Variants in RPS6KA2 observed in about 807,000 individuals in gnomAD.
The protein encoded by RPS6KA2 is ribosomal protein S6 kinase alpha-2.
Under a neutral mutation model 91.8 loss-of-function variants are expected in RPS6KA2, and 42 were observed. That is an observed-to-expected ratio of 0.46 (90% CI 0.36 to 0.59). The LOEUF (loss-of-function observed/expected upper bound fraction) is 0.59. Ranked by LOEUF, RPS6KA2 falls within the 20% of genes least tolerant of loss-of-function variation. RPS6KA2 has a pLI of 0.00. For synonymous variants in RPS6KA2, 414 were observed against 393.6 expected (o/e 1.05, Z -0.61); for missense variants, 798 against 978.5 (o/e 0.82, Z 2.46).
rs1434048065 is a variant in RPS6KA2 at position 166,494,222 on chromosome 6, G to A, written c.748-3481C>T. Among the ~76,000 whole-genome samples the A allele has an allele frequency of 6.6e-6, 1 of 152,192 alleles. No individual in the cohort carries two copies. The highest frequency in any genetic ancestry group is 1.5e-5 in the Non-Finnish European group (1 of 68,032). On this transcript the variant is annotated intron_variant, in intron 8 of 20. Transcript: ENST00000265678. This position sits in a 1 kb window ranked among gnomAD's most constrained non-coding sequence, Gnocchi z 5.1. ...TCCATGCCCATGTGTGGAGGTCCCTGTGTGCACAGACACATGCCCTCTAAT... is the reference window on the plus strand; with the variant it reads ...TCCATGCCCATGTGTGGAGGTCCCTATGTGCACAGACACATGCCCTCTAAT...
intron 8 of RPS6KA2, among the ~76,000 whole-genome samples, chr6:166,496,927 C>A (rs550921365): frequency 3.3e-5 from 5 of 152,238 alleles, no homozygotes; most frequent in Non-Finnish European, 7.3e-5. Flanking sequence ...GCAAAACCTG[C>A]ACCAGCGTGG....
intron 2 of RPS6KA2, among the ~76,000 whole-genome samples, chr6:166,836,045 A>G (rs1780308261): frequency 6.6e-6 from 1 of 152,230 alleles, no homozygotes; most frequent in Non-Finnish European, 1.5e-5. Context: ...CAAATATTAA[A>G]CCAAATTTGC....
rs572873141 is a variant in RPS6KA2, at chr6:166,611,522, T to C, written c.99+15399A>G. Among the ~76,000 whole-genome samples, 3 of 152,362 alleles carry C rather than the reference T, an allele frequency of 2.0e-5. No individual in the cohort carries two copies. In the East Asian group the frequency reaches 5.8e-4, roughly 29 times the overall value. On this transcript the variant is annotated intron_variant, in intron 1 of 20. Coordinates refer to ENST00000265678, the MANE Select transcript of RPS6KA2 (RefSeq NM_021135.6). The stretch of plus-strand genomic sequence containing the variant: ...TACTTATCCTCAGGCAAGCTTCTTG[T>C]ACAGAGTGAATGAGATAAAATATGT...
At chr6:166,538,858 C>T in intron 1 of RPS6KA2, 74 bp from the exon 2 acceptor site, 1 of 745,340 alleles carries the variant, frequency 1.3e-6, no homozygotes, top group Non-Finnish European at 2.4e-6. Context: ...TCCTCCTCCC[C>T]TGAGTTTACC....
chr6:166,662,924 G>A lies in RPS6KA2; in HGVS notation c.124-124140C>T, dbSNP rs1485855023. ...GCAGAGACACCGGGGCCGCCTCTGT[G>A]TATGGAGGAACGGCCACGCGAGGAC... On this transcript the variant is annotated intron_variant, in intron 2 of 21. Transcript: ENST00000503859. This position sits in a 1 kb window ranked among gnomAD's most constrained non-coding sequence, Gnocchi z 4.3. 6.6e-6 allele frequency among the ~76,000 whole-genome samples: 1 copy of A among 152,122 alleles called. No individual in the cohort carries two copies. Among genetic ancestry groups the A allele is most frequent in the Non-Finnish European group, 1.5e-5 (1 of 68,010 alleles).
intron 2 of RPS6KA2, among the ~76,000 whole-genome samples, chr6:166,690,034 G>A (rs1343659197): frequency 3.3e-5 from 5 of 152,186 alleles, no homozygotes; most frequent in South Asian, 4.1e-4. Flanking sequence ...CAATCCCACC[G>A]CATGGCTCCG....
intron 2 of RPS6KA2, among the ~76,000 whole-genome samples, chr6:166,741,916 CG>C (rs1378799907): frequency 2.6e-5 from 4 of 152,156 alleles, no homozygotes; most frequent in Admixed American, 1.3e-4. Context: ...CACCTGAGGT[CG>C]GGAGTTCAAG....
At chr6:166,803,779 T>A (rs1409926522) in intron 2 of RPS6KA2, among the ~76,000 whole-genome samples, 1 of 152,250 alleles carries the variant, frequency 6.6e-6, no homozygotes, top group Non-Finnish European at 1.5e-5. Flanking sequence ...TTAATTTACA[T>A]ACAATTTAGA....
intron 1 of RPS6KA2, among the ~76,000 whole-genome samples, chr6:166,861,564 ATTATCTTTTCTGT>A (rs1170499653): frequency 1.3e-5 from 2 of 152,210 alleles, no homozygotes; most frequent in Non-Finnish European, 2.9e-5. Flanking sequence ...CTTTGATTTC[ATTATCTTTTCTGT>A]TTATCTTTAA....
chr6:166,813,635 G>A (rs1466192111), intron 2 of RPS6KA2, among the ~76,000 whole-genome samples: 2 of 152,084 alleles, frequency 1.3e-5, no homozygotes, highest in Non-Finnish European at 2.9e-5. Context: ...AGCATCTGGT[G>A]TTGCTGGGAA....
rs986908121 is a variant in RPS6KA2, at chr6:166,767,963, C to T, written c.123+90237G>A. ...GCCTCTGTGTCCCCACATGTAAAAT[C>T]GCTACCTTGGCCACCACTGCACCAT... is the stretch of plus-strand genomic sequence containing the variant. On this transcript the variant is annotated intron_variant, in intron 2 of 21. Transcript: ENST00000503859. This position sits in a 1 kb window ranked among gnomAD's most constrained non-coding sequence, Gnocchi z 4.6. Among the ~76,000 whole-genome samples, 1 of 152,182 alleles carries T rather than the reference C, an allele frequency of 6.6e-6. No individual in the cohort carries two copies. The highest frequency in any genetic ancestry group is 1.5e-5 in the Non-Finnish European group (1 of 68,034).
chr6:166,527,295 C>G (rs11969346), intron 3 of RPS6KA2, among the ~76,000 whole-genome samples: 2 of 151,926 alleles, frequency 1.3e-5, no homozygotes, highest in African/African-American at 2.4e-5. Context: ...GGAACCGTTA[C>G]GCTTGAAGGA....
At chr6:166,670,781 C>T (rs1788450281) in intron 2 of RPS6KA2, among the ~76,000 whole-genome samples, 1 of 152,168 alleles carries the variant, frequency 6.6e-6, no homozygotes, top group African/African-American at 2.4e-5. Context: ...TAAGGCTACC[C>T]TCAAATGTCA....
In RPS6KA2 at chr6:166,730,191, G is replaced by A. The variant is rs1790467835; in HGVS notation, c.123+128009C>T. 3.9e-5 allele frequency among the ~76,000 whole-genome samples: 6 copies of A among 152,124 alleles called. No individual in the cohort carries two copies. In the South Asian group the frequency reaches 6.2e-4, roughly 16 times the overall value. On this transcript the variant is annotated intron_variant, in intron 2 of 21. Transcript: ENST00000503859. The stretch of plus-strand genomic sequence containing the variant: ...TTACAGTGACTTGTGATTCTGTCTC[G>A]CTCAACTGTTTTGAATCTTTTGATA...
chr6:166,743,641 T>C (rs577278935), intron 2 of RPS6KA2, among the ~76,000 whole-genome samples: 1 of 152,376 alleles, frequency 6.6e-6, no homozygotes, highest in East Asian at 1.9e-4. Context: ...TATTGAGACA[T>C]GCACACACTG....
intron 2 of RPS6KA2, among the ~76,000 whole-genome samples, chr6:166,651,475 G>A (rs1787853554): frequency 6.6e-6 from 1 of 152,158 alleles, no homozygotes; most frequent in African/African-American, 2.4e-5. Context: ...ATACCCAGTG[G>A]GCTCTTTTGT....
chr6:166,703,109 TCA>T (rs1397141030), intron 2 of RPS6KA2, among the ~76,000 whole-genome samples: 2 of 152,316 alleles, frequency 1.3e-5, no homozygotes, highest in East Asian at 1.9e-4. Flanking sequence ...AGCTAACTTT[TCA>T]CAGTCATTTT....
At chr6:166,465,783 G>A (rs1282147431) in intron 11 of RPS6KA2, among the ~76,000 whole-genome samples, 1 of 152,226 alleles carries the variant, frequency 6.6e-6, no homozygotes, top group East Asian at 1.9e-4. Flanking sequence ...TCCTCAGTCT[G>A]TGAGCAGCTG....
At position 166,446,763 on chromosome 6, in the gene RPS6KA2, C is replaced by A. The variant is rs894961164; in HGVS notation, c.1332+1961G>T. ...GGCTGTTTCTGGAAGGGCACCGCGG[C>A]TGCTGGGCTGACCAAACCGTAGGCT... On this transcript the variant is annotated intron_variant, in intron 14 of 20. Coordinates refer to ENST00000265678, the MANE Select transcript of RPS6KA2 (RefSeq NM_021135.6). 5.3e-5 allele frequency among the ~76,000 whole-genome samples: 8 copies of A among 152,294 alleles called. 1 individual carries two copies. The highest frequency in any genetic ancestry group is 5.2e-4 in the Admixed American group (8 of 15,302).
Sources: allele counts gnomAD v4.1 joint callset (sites outside exome capture counted in the v4.1 genomes callset), GRCh38; gene constraint gnomAD v4.1.1; non-coding constraint Gnocchi (gnomAD v3.1); transcripts MANE v1.5; gene names NCBI Gene and HGNC (gene_info 2026-07-23, HGNC 2026-07-21).